CENPC: variants seen among roughly 807,000 people sequenced by gnomAD.
CENPC encodes the protein CENP-C 1.
Under a neutral mutation model 112.1 loss-of-function variants are expected in CENPC, and 63 were observed. The observed-to-expected ratio is 0.56, with a 90% CI of 0.46 to 0.69. CENPC has a LOEUF of 0.69. Ranked by LOEUF, CENPC falls within the 30% of genes least tolerant of loss-of-function variation. The probability of loss-of-function intolerance (pLI) is 0.00; values close to 1 mark genes in which losing one functional copy is unlikely to be tolerated. For synonymous variants in CENPC, 333 were observed against 367.6 expected (o/e 0.91, Z 1.08); for missense variants, 1,000 against 1,103.8 (o/e 0.91, Z 1.33).
At chr4:67,506,716 T>A in intron 11 of CENPC, 72 bp downstream of exon 11, 1 of 1,175,836 alleles carries the variant, frequency 8.5e-7, no homozygotes, top group Non-Finnish European at 1.1e-6. Context: ...TAAAATAAAG[T>A]TCTTGGGTAA....
intron 12 of CENPC, among the ~76,000 whole-genome samples, chr4:67,498,275 T>C (rs992925593): frequency 6.6e-6 from 1 of 152,126 alleles, no homozygotes; most frequent in Admixed American, 6.5e-5. Flanking sequence ...AAAATGCTTA[T>C]CATCTGAGCT....
At chr4:67,493,806 ATAAACATGTAG>A (rs1463245087) in intron 14 of CENPC, 67 bp downstream of exon 14, 2 of 810,368 alleles carry the variant, frequency 2.5e-6, no homozygotes, top group Non-Finnish European at 4.0e-6. Context: ...GGTAATGTAT[ATAAACATGTAG>A]TGCAGTGTCT....
At chr4:67,500,111 T>C (rs954421429) in intron 12 of CENPC, among the ~76,000 whole-genome samples, 1 of 151,894 alleles carries the variant, frequency 6.6e-6, no homozygotes, top group African/African-American at 2.4e-5. Context: ...AAAAGTTTGA[T>C]ATACTGTGAA....
intron 12 of CENPC, among the ~76,000 whole-genome samples, chr4:67,501,999 A>G (rs536399486): frequency 2.6e-5 from 4 of 152,290 alleles, no homozygotes; most frequent in African/African-American, 9.6e-5. Context: ...AAAGGATCCT[A>G]GTAAGTATGG....
At chr4:67,530,937 A>AT (rs1217715350) in intron 4 of CENPC, 23 bp from the exon 5 acceptor site, 2 of 1,218,672 alleles carry the variant, frequency 1.6e-6, no homozygotes, top group Non-Finnish European at 2.3e-6. Context: ...GAAATACAAC[A>AT]TTAGAACTAT....
intron 1 of CENPC, 117 bp downstream of exon 1, chr4:67,545,221 A>C (rs534136673): frequency 9.7e-7 from 1 of 1,034,484 alleles, no homozygotes; most frequent in East Asian, 3.2e-5. Context: ...CGGCTTTCCC[A>C]CTGAAATCCC....
chr4:67,544,192 G>T lies in CENPC; in HGVS notation c.22C>A (p.His8Asn). Residue 8 changes from histidine to asparagine, a missense_variant, in exon 2 of 19, where the codon CAT (histidine) becomes AAT (asparagine). His to Asn is a moderately conservative substitution (Grantham distance 68). Transcript: ENST00000273853. MAASGLD[H>N]LKNGYRRRFC... ...CTTCTTCTGTAGCCATTTTTGAGAT[G>T]ATCCTGAAAGAAAAGTAAATCATCA... 2 of 1,545,518 alleles carry T rather than the reference G, an allele frequency of 1.3e-6. No individual in the cohort carries two copies. The highest frequency in any genetic ancestry group is 1.1e-5 in the South Asian group (1 of 88,844).
rs1724763610 is a variant in CENPC at position 67,474,978 on chromosome 4, C to T, written c.2671G>A (p.Val891Ile). ...GKQHVGQDIL[V>I]FYVNFGDLLC... is the part of the protein sequence containing the mutation. ...AGGTCACCAAAGTTAACATAAAAAA[C>T]CTGTAAAAATAAAAATAAAAATCTC... Residue 891 changes from valine (V) to isoleucine (I), a missense_variant and splice_region_variant, in exon 18 of 19, where the codon GTT becomes ATT. Val to Ile is a conservative substitution (Grantham distance 29). Transcript: ENST00000273853. 2.0e-6 allele frequency: 3 copies of T among 1,476,596 alleles called. No homozygotes were observed. The African/African-American group carries it at 4.3e-5, about 21-fold the overall frequency. 91.5% of individuals were successfully genotyped at this position (1,476,596 alleles called of 1,614,324 possible). A position where few individuals can be genotyped will look rare whatever the true frequency, so the allele number is the denominator to read the frequency against.
chr4:67,506,785 T>C lies in CENPC; in HGVS notation c.2051+3A>G, dbSNP rs943872644. ...AACTATTATCCTTACAATACACGCATACCTTTCCTCTAAAACTGAAGTCTT... is the reference window on the plus strand; with the variant it reads ...AACTATTATCCTTACAATACACGCACACCTTTCCTCTAAAACTGAAGTCTT... On this transcript the variant is annotated splice_donor_region_variant and intron_variant, in intron 11 of 18. Coordinates refer to ENST00000273853, the MANE Select transcript of CENPC (RefSeq NM_001812.4). The C allele has an allele frequency of 1.3e-6, 2 of 1,588,636 alleles. No homozygotes were observed. The highest frequency in any genetic ancestry group is 1.7e-6 in the Non-Finnish European group (2 of 1,167,504).
chr4:67,537,321 T>C (rs1726753158), intron 4 of CENPC, among the ~76,000 whole-genome samples: 1 of 152,194 alleles, frequency 6.6e-6, no homozygotes, highest in African/African-American at 2.4e-5. Flanking sequence ...CAATGAAATA[T>C]ACACGCAATT....
At chr4:67,499,446 T>C (rs976316842) in intron 12 of CENPC, among the ~76,000 whole-genome samples, 2 of 152,210 alleles carry the variant, frequency 1.3e-5, no homozygotes, top group African/African-American at 4.8e-5. Flanking sequence ...CCTTGCTCTT[T>C]TATGTTATGG....
intron 5 of CENPC, among the ~76,000 whole-genome samples, chr4:67,520,514 A>G (rs545293040): frequency 6.6e-6 from 1 of 152,236 alleles, no homozygotes; most frequent in African/African-American, 2.4e-5. Context: ...CCTCCACCCA[A>G]TGATATAAGG....
chr4:67,507,733 C>T (rs112069616), intron 10 of CENPC, among the ~76,000 whole-genome samples: 120 of 152,212 alleles, frequency 7.9e-4, no homozygotes, highest in African/African-American at 2.5e-3. Flanking sequence ...TACTTCCCAA[C>T]TCATTGTATA....
At chr4:67,545,312 G>A in intron 1 of CENPC, 26 bp downstream of exon 1, 2 of 1,463,450 alleles carry the variant, frequency 1.4e-6, no homozygotes, top group Admixed American at 2.4e-5. Context: ...TCAACCACTC[G>A]CCTGGAGCGG....
chr4:67,512,714 G>A (rs1252042897), intron 8 of CENPC, 145 bp from the exon 9 acceptor site: 4 of 585,436 alleles, frequency 6.8e-6, no homozygotes, highest in Middle Eastern at 4.4e-4. Flanking sequence ...AAAGTCACAT[G>A]TTCTCTTTCT....
chr4:67,483,497 T>C (rs1344881606), intron 17 of CENPC, among the ~76,000 whole-genome samples: 1 of 152,176 alleles, frequency 6.6e-6, no homozygotes, highest in East Asian at 1.9e-4. Flanking sequence ...CTGGCTTATG[T>C]ATTTACTATA....
At chr4:67,537,348 T>C (rs1726754885) in intron 4 of CENPC, among the ~76,000 whole-genome samples, 2 of 152,208 alleles carry the variant, frequency 1.3e-5, no homozygotes, top group Non-Finnish European at 1.5e-5. Context: ...TTTTAATGTA[T>C]TATGTTTCAT....
chr4:67,480,537 A>G (rs748182866), intron 17 of CENPC, among the ~76,000 whole-genome samples: 6 of 152,214 alleles, frequency 3.9e-5, no homozygotes, highest in African/African-American at 9.6e-5. Context: ...CAACAACAAA[A>G]AAGTCCAGGA....
chr4:67,511,358 GC>G (rs1229379514), intron 9 of CENPC, among the ~76,000 whole-genome samples: 1 of 152,078 alleles, frequency 6.6e-6, no homozygotes, highest in Non-Finnish European at 1.5e-5. Context: ...TAATCTAAAT[GC>G]CCCAAAGTCA....
Sources: gnomAD v4.1 joint callset for allele counts (sites outside exome capture counted in the v4.1 genomes callset) on GRCh38, gnomAD v4.1.1 for gene constraint, MANE v1.5 for transcripts, NCBI Gene and HGNC (gene_info 2026-07-23, HGNC 2026-07-21) for gene names.